Variants in GALNTL6 observed in about 807,000 individuals in gnomAD.
GALNTL6 encodes the protein polypeptide N-acetylgalactosaminyltransferase-like 6.
A neutral mutation model predicts 73.7 loss-of-function variants in GALNTL6; 46 were observed. The observed-to-expected ratio is 0.62, with a 90% CI of 0.49 to 0.80. The LOEUF (loss-of-function observed/expected upper bound fraction) is 0.80. GALNTL6 is among the 30% of genes least tolerant of loss of function. The probability of loss-of-function intolerance (pLI) is 0.00; values close to 1 mark genes in which losing one functional copy is unlikely to be tolerated. For missense variants in GALNTL6, 604 were observed against 755.0 expected, an observed-to-expected ratio of 0.80 and a Z score of 2.34; for synonymous variants, 259 against 263.7, an observed-to-expected ratio of 0.98 and a Z score of 0.17.
chr4:172,734,543 T>C (rs1736339592), intron 5 of GALNTL6, among the ~76,000 whole-genome samples: 3 of 152,198 alleles, frequency 2.0e-5, no homozygotes, highest in Admixed American at 6.5e-5. Context: ...CAAAATAATC[T>C]CCTTTGACTC....
At chr4:172,231,068 C>T (rs1737051756) in intron 3 of GALNTL6, among the ~76,000 whole-genome samples, 1 of 152,040 alleles carries the variant, frequency 6.6e-6, no homozygotes, top group Non-Finnish European at 1.5e-5. Flanking sequence ...GTTTTCAGAG[C>T]GTCAACTTCT....
At chr4:171,977,322 A>C (rs2111074128) in intron 2 of GALNTL6, among the ~76,000 whole-genome samples, 1 of 152,350 alleles carries the variant, frequency 6.6e-6, no homozygotes, top group South Asian at 2.1e-4. Flanking sequence ...ATGTTAAATA[A>C]GGAAGAGTAG....
At chr4:172,846,020 C>T (rs551237372) in intron 7 of GALNTL6, among the ~76,000 whole-genome samples, 9 of 152,262 alleles carry the variant, frequency 5.9e-5, no homozygotes, top group African/African-American at 2.2e-4. Flanking sequence ...TTGTAACAAT[C>T]TAAATGTCCA....
intron 5 of GALNTL6, among the ~76,000 whole-genome samples, chr4:172,384,567 GT>G (rs1017916684): frequency 3.4e-5 from 5 of 147,854 alleles, no homozygotes; most frequent in East Asian, 2.0e-4. Context: ...TTTCTTTATT[GT>G]TTTTTTTTCT....
At position 172,515,084 on chromosome 4, in the gene GALNTL6, C is replaced by G. The variant is rs570465721; in HGVS notation, c.553+166395C>G. Among the ~76,000 whole-genome samples, 4 of 152,246 alleles carry G rather than the reference C, an allele frequency of 2.6e-5. No homozygotes were observed. In the South Asian group the frequency reaches 8.3e-4, roughly 32 times the overall value. ...GTAAGTCTCCATACACTGTTCTGTC[C>G]AGCTTCAGGGATGATTTTTAAGCAG... On this transcript the variant is annotated intron_variant, in intron 5 of 12. Coordinates refer to ENST00000506823, the MANE Select transcript of GALNTL6 (RefSeq NM_001034845.3).
chr4:171,921,280 C>T (rs1367350689), intron 2 of GALNTL6, among the ~76,000 whole-genome samples: 3 of 151,988 alleles, frequency 2.0e-5, no homozygotes, highest in Admixed American at 6.6e-5. Flanking sequence ...GACTATGTGT[C>T]GACCATGTTT....
chr4:172,557,657 G>A (rs981300654), intron 5 of GALNTL6, among the ~76,000 whole-genome samples: 4 of 152,058 alleles, frequency 2.6e-5, no homozygotes, highest in Non-Finnish European at 5.9e-5. Flanking sequence ...ACCATTAGTC[G>A]TCATGAAATG....
At chr4:172,451,772 A>G (rs1732221363) in intron 5 of GALNTL6, among the ~76,000 whole-genome samples, 3 of 152,124 alleles carry the variant, frequency 2.0e-5, no homozygotes, top group African/African-American at 7.2e-5. Flanking sequence ...TTGGGAGGCC[A>G]AGGCTGGAGA....
chr4:171,890,479 T>C (rs1736729803), intron 2 of GALNTL6, among the ~76,000 whole-genome samples: 2 of 152,280 alleles, frequency 1.3e-5, no homozygotes, highest in South Asian at 4.1e-4. Context: ...TTAATTTCCC[T>C]ATCTGTTTAT....
chr4:172,466,295 G>C (rs1280494915), intron 5 of GALNTL6, among the ~76,000 whole-genome samples: 2 of 152,088 alleles, frequency 1.3e-5, no homozygotes, highest in Admixed American at 6.5e-5. Context: ...AAAGTAATGT[G>C]ATAGTTGAAT....
intron 3 of GALNTL6, among the ~76,000 whole-genome samples, chr4:172,296,375 TA>T (rs1374731904): frequency 6.6e-6 from 1 of 152,212 alleles, no homozygotes; most frequent in East Asian, 1.9e-4. Flanking sequence ...CTGATTTTTT[TA>T]TTATACTTTA....
intron 5 of GALNTL6, among the ~76,000 whole-genome samples, chr4:172,492,763 A>T (rs1016853844): frequency 1.3e-5 from 2 of 152,228 alleles, no homozygotes; most frequent in African/African-American, 4.8e-5. Context: ...TACATAAAAA[A>T]TATGTAAAAC....
intron 5 of GALNTL6, among the ~76,000 whole-genome samples, chr4:172,490,844 G>T (rs1484809526): frequency 6.6e-6 from 1 of 152,096 alleles, no homozygotes; most frequent in Non-Finnish European, 1.5e-5. Context: ...GTACCGCAAG[G>T]TCAGTAAGAT....
intron 5 of GALNTL6, among the ~76,000 whole-genome samples, chr4:172,355,594 A>G (rs1401437074): frequency 6.6e-6 from 1 of 152,132 alleles, no homozygotes; most frequent in East Asian, 1.9e-4. Context: ...TATGATGAGT[A>G]CTAAATGAAT....
intron 9 of GALNTL6, among the ~76,000 whole-genome samples, chr4:172,932,432 T>C (rs79497777): frequency 0.021 from 3,149 of 152,306 alleles, 38 homozygotes; most frequent in Non-Finnish European, 0.024. Context: ...GGGGGAGTTG[T>C]TCTTCCTTTT....
chr4:172,206,805 G>GTTTTTTTTTTTTTT (rs778156050), intron 2 of GALNTL6, among the ~76,000 whole-genome samples: 11 of 26,168 alleles, frequency 4.2e-4, no homozygotes, highest in African/African-American at 8.5e-4. Flanking sequence ...TTGTTTTTCT[G>GTTTTTTTTTTTTTT]TTTTTTTTGT....
intron 5 of GALNTL6, among the ~76,000 whole-genome samples, chr4:172,497,728 G>A (rs888206599): frequency 3.9e-5 from 6 of 152,160 alleles, no homozygotes; most frequent in Non-Finnish European, 7.3e-5. Context: ...TGAAGCTGAA[G>A]AATCACTGTG....
At chr4:172,331,666 A>G (rs544217240) in intron 4 of GALNTL6, among the ~76,000 whole-genome samples, 19 of 152,316 alleles carry the variant, frequency 1.2e-4, no homozygotes, top group Admixed American at 1.1e-3. Context: ...TTAACTTGGC[A>G]TAATATTCTC....
At chr4:172,194,383 C>T (rs968501777) in intron 2 of GALNTL6, among the ~76,000 whole-genome samples, 27 of 152,148 alleles carry the variant, frequency 1.8e-4, no homozygotes, top group African/African-American at 6.3e-4. Context: ...ACAAACTTCA[C>T]GATACCATCC....
Sources: allele counts gnomAD v4.1 joint callset (sites outside exome capture counted in the v4.1 genomes callset), GRCh38; gene constraint gnomAD v4.1.1; transcripts MANE v1.5; gene names NCBI Gene and HGNC (gene_info 2026-07-23, HGNC 2026-07-21).